The following ANK3 variants were observed in gnomAD, a reference collection of about 807,000 sequenced individuals.
ANK3 encodes the protein ankyrin-3.
ANK3 carries 57 observed loss-of-function variants against 370.9 expected under a neutral mutation model. The ratio of observed to expected loss-of-function variants is 0.15; its 90% confidence interval spans 0.12 to 0.19. ANK3 has a LOEUF of 0.19. Ranked by LOEUF, ANK3 falls within the 10% of genes least tolerant of loss-of-function variation. The probability of loss-of-function intolerance (pLI) is 1.00; values close to 1 mark genes in which losing one functional copy is unlikely to be tolerated. For missense variants in ANK3, 4,439 were observed against 5,302.1 expected, an observed-to-expected ratio of 0.84 and a Z score of 5.06; for synonymous variants, 1,929 against 1,946.3, an observed-to-expected ratio of 0.99 and a Z score of 0.23.
chr10:60,398,745 C>T (rs1234012375), intron 2 of ANK3, among the ~76,000 whole-genome samples: 1 of 152,068 alleles, frequency 6.6e-6, no homozygotes, highest in Non-Finnish European at 1.5e-5. Flanking sequence ...GGTCAGCAAG[C>T]ATAAGTAAGA....
chr10:60,552,309 G>A (rs2077106306), intron 2 of ANK3, among the ~76,000 whole-genome samples: 2 of 152,232 alleles, frequency 1.3e-5, no homozygotes, highest in Non-Finnish European at 2.9e-5. Flanking sequence ...TTTTTGTGCT[G>A]CTCTCAACTA....
chr10:60,037,138 C>A (rs2075183452), intron 43 of ANK3, among the ~76,000 whole-genome samples: 1 of 152,170 alleles, frequency 6.6e-6, no homozygotes. Context: ...TGTCAATCTT[C>A]CCAGCTGAAG....
At chr10:60,034,015 A>G (rs2074319927) in intron 43 of ANK3, among the ~76,000 whole-genome samples, 1 of 147,496 alleles carries the variant, frequency 6.8e-6, no homozygotes, top group African/African-American at 2.6e-5. Flanking sequence ...TTTAATCTGC[A>G]TTACACAGGA....
At chr10:60,046,191 T>C (rs997874488) in intron 42 of ANK3, among the ~76,000 whole-genome samples, 2 of 152,216 alleles carry the variant, frequency 1.3e-5, no homozygotes, top group African/African-American at 4.8e-5. Context: ...TTAATGGCAG[T>C]GTTATTTGTA....
intron 43 of ANK3, among the ~76,000 whole-genome samples, chr10:60,034,407 G>A (rs2074455612): frequency 6.6e-6 from 1 of 152,158 alleles, no homozygotes; most frequent in African/African-American, 2.4e-5. Context: ...TGCCCAGCCT[G>A]AAATTCTGTG....
At chr10:60,257,357 C>T (rs1245565111) in intron 7 of ANK3, among the ~76,000 whole-genome samples, 3 of 152,148 alleles carry the variant, frequency 2.0e-5, no homozygotes, top group Admixed American at 6.5e-5. Flanking sequence ...TCCTACACAA[C>T]TAGATCATCA....
At chr10:60,091,504 T>C (rs745742852) in intron 28 of ANK3, among the ~76,000 whole-genome samples, 1 of 109,616 alleles carries the variant, frequency 9.1e-6, no homozygotes, top group Non-Finnish European at 1.7e-5. Flanking sequence ...TAAATCAAAG[T>C]GAGGGACTAG....
At chr10:60,143,368 G>A (rs2094656308) in intron 23 of ANK3, among the ~76,000 whole-genome samples, 1 of 152,206 alleles carries the variant, frequency 6.6e-6, no homozygotes, top group Non-Finnish European at 1.5e-5. Context: ...TGTGTGATTT[G>A]TTAACTTTCT....
intron 5 of ANK3, among the ~76,000 whole-genome samples, chr10:60,266,975 G>A (rs1292964545): frequency 6.6e-6 from 1 of 152,074 alleles, no homozygotes; most frequent in Non-Finnish European, 1.5e-5. Flanking sequence ...ATTAGCAAAA[G>A]GAAGATTATA....
Position 60,260,964 on chromosome 10 carries a change from G to A in ANK3, c.798+895C>T, listed in dbSNP as rs139369975. On this transcript the variant is annotated intron_variant, in intron 7 of 43. Transcript: ENST00000280772. ...AGACTAATACACTACTGCCGCTGCTGTTAGTGATGATACTACATCAGGCAC... is the reference window on the plus strand; with the variant it reads ...AGACTAATACACTACTGCCGCTGCTATTAGTGATGATACTACATCAGGCAC... Among the ~76,000 whole-genome samples the A allele has an allele frequency of 1.2e-4, 18 of 152,290 alleles. No individual in the cohort carries two copies. In the East Asian group the frequency reaches 3.5e-3, roughly 29 times the overall value.
chr10:60,607,747 G>A (rs1394568210), intron 2 of ANK3, among the ~76,000 whole-genome samples: 1 of 152,184 alleles, frequency 6.6e-6, no homozygotes, highest in Admixed American at 6.5e-5. Flanking sequence ...TGGTTAGAAT[G>A]CAAATCTAGC....
chr10:60,317,213 C>T (rs903627372), intron 1 of ANK3, among the ~76,000 whole-genome samples: 4 of 151,822 alleles, frequency 2.6e-5, no homozygotes, highest in Admixed American at 6.6e-5. Context: ...CGATGTCTGC[C>T]TCCTGGGTTC....
intron 41 of ANK3, among the ~76,000 whole-genome samples, 177 bp from the exon 42 acceptor site, chr10:60,056,213 T>C (rs2079132870): frequency 6.6e-6 from 1 of 152,210 alleles, no homozygotes; most frequent in Non-Finnish European, 1.5e-5. Flanking sequence ...CTCATGCCTG[T>C]AATCCCAGCA....
intron 2 of ANK3, among the ~76,000 whole-genome samples, chr10:60,414,860 T>C (rs1405484629): frequency 6.6e-6 from 1 of 152,172 alleles, no homozygotes; most frequent in Non-Finnish European, 1.5e-5. Context: ...CTTCAGACTG[T>C]ATTAGAAAGG....
intron 1 of ANK3, among the ~76,000 whole-genome samples, chr10:60,313,165 C>T (rs773036167): frequency 5.3e-5 from 8 of 152,144 alleles, no homozygotes; most frequent in Admixed American, 1.3e-4. Flanking sequence ...CTGGAAATGG[C>T]GCTTACTCCC....
At chr10:60,541,620 A>G (rs1402030674) in intron 2 of ANK3, among the ~76,000 whole-genome samples, 2 of 151,838 alleles carry the variant, frequency 1.3e-5, no homozygotes, top group Non-Finnish European at 2.9e-5. Context: ...GCTTTCACTC[A>G]ACTCCCTTTG....
rs553129338 is a variant in ANK3 at position 60,269,486 on chromosome 10, G to GCACAA, written c.513+640_513+644dup. 4.4e-4 allele frequency among the ~76,000 whole-genome samples: 67 copies of GCACAA among 152,028 alleles called. No individual in the cohort carries two copies. In the East Asian group the frequency reaches 0.012, roughly 28 times the overall value. ...TGGTGAAACCCTGTCTCTACTAAAA[G>GCACAA]CACAAAATTTAGCCATGTGTGGGTG... On this transcript the variant is annotated intron_variant, in intron 5 of 43. Transcript: ENST00000280772.
intron 42 of ANK3, among the ~76,000 whole-genome samples, chr10:60,045,719 T>C (rs926532779): frequency 6.6e-6 from 1 of 152,198 alleles, no homozygotes; most frequent in Non-Finnish European, 1.5e-5. Flanking sequence ...AAAAGTGAGA[T>C]TCTAACTCTT....
chr10:60,332,084 T>C (rs1426812809), intron 1 of ANK3, among the ~76,000 whole-genome samples: 1 of 152,198 alleles, frequency 6.6e-6, no homozygotes, highest in Non-Finnish European at 1.5e-5. Flanking sequence ...GCCCATTTTC[T>C]ATTGTGCTAA....
Sources: gnomAD v4.1 joint callset for allele counts (sites outside exome capture counted in the v4.1 genomes callset) on GRCh38, gnomAD v4.1.1 for gene constraint, MANE v1.5 for transcripts, NCBI Gene and HGNC (gene_info 2026-07-23, HGNC 2026-07-21) for gene names.